The following BORCS5 variants were observed in gnomAD, a reference collection of about 807,000 sequenced individuals.
BORCS5 encodes BLOC-1-related complex subunit 5.
A neutral mutation model predicts 22.1 loss-of-function variants in BORCS5; 17 were observed. That is an observed-to-expected ratio of 0.77 (90% CI 0.53 to 1.15). The LOEUF (loss-of-function observed/expected upper bound fraction) is 1.15. Ranked by LOEUF, BORCS5 falls within the 50% of genes most tolerant of loss-of-function variation. The pLI is 0.00. For synonymous variants in BORCS5, 117 were observed against 99.8 expected (o/e 1.17, Z -1.03); for missense variants, 247 against 253.2 (o/e 0.98, Z 0.17).
intron 2 of BORCS5, among the ~76,000 whole-genome samples, chr12:12,418,545 G>C (rs1942032616): frequency 6.6e-6 from 1 of 152,122 alleles, no homozygotes; most frequent in Non-Finnish European, 1.5e-5. Flanking sequence ...AAATTAGCCA[G>C]GTGTGATAGC....
chr12:12,357,324 A>C lies in BORCS5; in HGVS notation c.-128A>C. Reference sequence around the variant, plus strand: ...GCTGGACGCGTCAGCCCCACACATTAGCCTCGCTGCGGCGCCCAGACTCTG... The same window carrying C: ...GCTGGACGCGTCAGCCCCACACATTCGCCTCGCTGCGGCGCCCAGACTCTG... On this transcript the variant is annotated 5_prime_UTR_variant, in exon 1 of 4. Transcript: ENST00000314565. The C allele has an allele frequency of 6.8e-7, 1 of 1,474,200 alleles. No individual in the cohort carries two copies. The highest frequency in any genetic ancestry group is 9.0e-7 in the Non-Finnish European group (1 of 1,107,442). The allele number at this position is 1,474,200 out of a possible 1,614,324, so 91.3% of individuals were successfully genotyped here.
At chr12:12,423,274 T>C (rs995227398) in intron 2 of BORCS5, among the ~76,000 whole-genome samples, 1 of 152,042 alleles carries the variant, frequency 6.6e-6, no homozygotes, top group Non-Finnish European at 1.5e-5. Context: ...AGTGCTGGGA[T>C]TACAGGCATG....
At chr12:12,361,447 T>C in intron 2 of BORCS5, 98 bp downstream of exon 2, 3 of 1,335,438 alleles carry the variant, frequency 2.2e-6, no homozygotes, top group Non-Finnish European at 2.1e-6. Context: ...CTCTCTCATC[T>C]CCTTTAGGTC....
chr12:12,410,423 C>A (rs1185544090), intron 2 of BORCS5, among the ~76,000 whole-genome samples: 5 of 152,182 alleles, frequency 3.3e-5, no homozygotes, highest in Non-Finnish European at 7.3e-5. Flanking sequence ...AGGAAGGGAT[C>A]CAGTTTCAGC....
intron 2 of BORCS5, among the ~76,000 whole-genome samples, chr12:12,391,459 C>T (rs1565859707): frequency 6.6e-6 from 1 of 151,522 alleles, no homozygotes; most frequent in Non-Finnish European, 1.5e-5. Flanking sequence ...GATCTCGGCT[C>T]ACTTCAACCT....
chr12:12,411,817 A>G (rs1015978130), intron 2 of BORCS5, among the ~76,000 whole-genome samples: 3 of 152,234 alleles, frequency 2.0e-5, no homozygotes, highest in Non-Finnish European at 4.4e-5. Context: ...ATATGGTAGT[A>G]GGTAAGGGTC....
intron 2 of BORCS5, among the ~76,000 whole-genome samples, chr12:12,416,987 C>T (rs1270159014): frequency 6.6e-6 from 1 of 150,840 alleles, no homozygotes; most frequent in Non-Finnish European, 1.5e-5. Flanking sequence ...GGTGGTGTTT[C>T]ACCATGTTGG....
At chr12:12,459,174 G>A (rs1293853791) in intron 3 of BORCS5, among the ~76,000 whole-genome samples, 1 of 151,936 alleles carries the variant, frequency 6.6e-6, no homozygotes, top group Middle Eastern at 3.2e-3. Context: ...GGGATTACAG[G>A]CATGAGCCAC....
At chr12:12,465,523 G>A in intron 3 of BORCS5, 23 bp from the exon 4 acceptor site, 1 of 1,606,656 alleles carries the variant, frequency 6.2e-7, no homozygotes, top group Non-Finnish European at 8.5e-7. Flanking sequence ...AAGGTATAAT[G>A]TACTTCTCTT....
chr12:12,401,601 T>C (rs1037503565), intron 2 of BORCS5, among the ~76,000 whole-genome samples: 4 of 152,178 alleles, frequency 2.6e-5, no homozygotes, highest in African/African-American at 7.2e-5. Flanking sequence ...AATTAAAAAT[T>C]CTACCTAGAC....
At chr12:12,377,239 G>A (rs953918509) in intron 2 of BORCS5, among the ~76,000 whole-genome samples, 1 of 149,692 alleles carries the variant, frequency 6.7e-6, no homozygotes, top group African/African-American at 2.5e-5. Context: ...GTGCAGTGGT[G>A]TGATCTTGGC....
intron 2 of BORCS5, among the ~76,000 whole-genome samples, chr12:12,397,007 G>C (rs1318011825): frequency 6.6e-6 from 1 of 152,060 alleles, no homozygotes; most frequent in African/African-American, 2.4e-5. Context: ...ACACATGCAC[G>C]CATGTGCACC....
In BORCS5 at chr12:12,415,367, C is replaced by G. The variant is rs1371635424; in HGVS notation, c.203-20261C>G. 3.3e-5 allele frequency among the ~76,000 whole-genome samples: 5 copies of G among 151,000 alleles called. No individual in the cohort carries two copies. In the South Asian group the frequency reaches 1.0e-3, roughly 32 times the overall value. On this transcript the variant is annotated intron_variant, in intron 2 of 3. Transcript: ENST00000314565. ...CTGGAGACCAGCCCGGCCAACACAGCAAAACCCCGTCTCCACCAAAAAAAA... is the reference window on the plus strand; with the variant it reads ...CTGGAGACCAGCCCGGCCAACACAGGAAAACCCCGTCTCCACCAAAAAAAA...
At chr12:12,409,837 G>T (rs1941683006) in intron 2 of BORCS5, among the ~76,000 whole-genome samples, 1 of 151,898 alleles carries the variant, frequency 6.6e-6, no homozygotes, top group African/African-American at 2.4e-5. Context: ...CTAGTTTACA[G>T]TCCCACCAAC....
chr12:12,462,116 G>GGC (rs1458060442), intron 3 of BORCS5, among the ~76,000 whole-genome samples: 1 of 152,180 alleles, frequency 6.6e-6, no homozygotes, highest in Admixed American at 6.5e-5. Context: ...CATAGTGCAT[G>GGC]GCACATGGCA....
chr12:12,409,415 C>T (rs1284297133), intron 2 of BORCS5, among the ~76,000 whole-genome samples: 2 of 151,738 alleles, frequency 1.3e-5, no homozygotes, highest in Non-Finnish European at 2.9e-5. Flanking sequence ...TGTTTCCCTT[C>T]CTGTGTCCAT....
chr12:12,389,416 G>T (rs139530000), intron 2 of BORCS5, among the ~76,000 whole-genome samples: 14 of 150,372 alleles, frequency 9.3e-5, no homozygotes, highest in African/African-American at 2.9e-4. Flanking sequence ...GGGATTACAG[G>T]TGTGAGCCAC....
At chr12:12,433,373 A>T (rs1043265236) in intron 2 of BORCS5, among the ~76,000 whole-genome samples, 1 of 149,990 alleles carries the variant, frequency 6.7e-6, no homozygotes, top group East Asian at 2.0e-4. Flanking sequence ...GTGCAGCGGC[A>T]TACTCCTGTA....
At chr12:12,365,458 G>C (rs1435535217) in intron 2 of BORCS5, among the ~76,000 whole-genome samples, 2 of 151,836 alleles carry the variant, frequency 1.3e-5, no homozygotes, top group Non-Finnish European at 2.9e-5. Context: ...GAGACTACAG[G>C]CATGAGCCAC....
Sources: allele counts gnomAD v4.1 joint callset (sites outside exome capture counted in the v4.1 genomes callset), GRCh38; gene constraint gnomAD v4.1.1; transcripts MANE v1.5; gene names NCBI Gene and HGNC (gene_info 2026-07-23, HGNC 2026-07-21).